RIMKLB: variants seen among roughly 807,000 people sequenced by gnomAD.
The protein encoded by RIMKLB is beta-citrylglutamate synthase B.
Under a neutral mutation model 32.0 loss-of-function variants are expected in RIMKLB, and 7 were observed. The observed-to-expected ratio is 0.22, with a 90% CI of 0.12 to 0.41. The LOEUF is 0.41. Ranked by LOEUF, RIMKLB falls within the 10% of genes least tolerant of loss-of-function variation. The probability of loss-of-function intolerance (pLI) is 1.00; values close to 1 mark genes in which losing one functional copy is unlikely to be tolerated. For synonymous variants in RIMKLB, 172 were observed against 185.1 expected (o/e 0.93, Z 0.57); for missense variants, 289 against 498.7 (o/e 0.58, Z 4.00).
At chr12:8,735,654 CT>C (rs1946930806) in intron 2 of RIMKLB, among the ~76,000 whole-genome samples, 1 of 151,376 alleles carries the variant, frequency 6.6e-6, no homozygotes, top group Admixed American at 6.6e-5. Context: ...ATTCACTGAA[CT>C]TTTGCCTGTT....
upstream of RIMKLB, among the ~76,000 whole-genome samples, chr12:8,695,568 T>TTTG (rs1942862683): frequency 1.1e-5 from 1 of 91,022 alleles, no homozygotes; most frequent in African/African-American, 3.9e-5. Context: ...TATCATTGGC[T>TTTG]TTTTTTAAAT....
chr12:8,752,075 T>G, intron 4 of RIMKLB, 32 bp downstream of exon 4: 3 of 1,344,592 alleles, frequency 2.2e-6, no homozygotes, highest in Non-Finnish European at 3.2e-6. Flanking sequence ...GGTATATAGT[T>G]TTGAAACTAT....
chr12:8,733,305 C>CAAA (rs199919674), intron 2 of RIMKLB, among the ~76,000 whole-genome samples: 3 of 113,320 alleles, frequency 2.6e-5, no homozygotes, highest in East Asian at 2.6e-4. Context: ...CTTGTTAAAG[C>CAAA]AAAAAAAAAA....
At position 8,701,513 on chromosome 12, in the gene RIMKLB, G is replaced by A. The variant is rs1329768929; in HGVS notation, c.-57+3216G>A. On this transcript the variant is annotated intron_variant, in intron 1 of 5. Transcript: ENST00000535829. ...TACTCCCCTAGAGGCTGGTCTGCAT[G>A]GAACCCATCTGTTTATATCTTTTTT... 2.0e-5 allele frequency among the ~76,000 whole-genome samples: 3 copies of A among 152,044 alleles called. No homozygotes were observed. The East Asian group carries it at 5.8e-4, about 29-fold the overall frequency.
At chr12:8,735,689 G>C (rs1946932454) in intron 2 of RIMKLB, among the ~76,000 whole-genome samples, 1 of 151,760 alleles carries the variant, frequency 6.6e-6, no homozygotes, top group South Asian at 2.1e-4. Context: ...ATATTTATGG[G>C]AATGGTTATT....
chr12:8,729,671 TG>T (rs1946363199), intron 2 of RIMKLB, among the ~76,000 whole-genome samples: 1 of 152,162 alleles, frequency 6.6e-6, no homozygotes, highest in South Asian at 2.1e-4. Context: ...ACCAGGGATC[TG>T]CCCTCTTTTG....
chr12:8,691,075 G>A (rs1374245967), intron 1 of RIMKLB, among the ~76,000 whole-genome samples: 1 of 152,120 alleles, frequency 6.6e-6, no homozygotes, highest in Non-Finnish European at 1.5e-5. Context: ...TCATGCCTAA[G>A]TCTACCTTTA....
At chr12:8,760,774 C>T (rs1035132973) in intron 5 of RIMKLB, among the ~76,000 whole-genome samples, 1 of 152,116 alleles carries the variant, frequency 6.6e-6, no homozygotes, top group Non-Finnish European at 1.5e-5. Context: ...TATCCTTCGC[C>T]CACTTGTTGA....
chr12:8,760,772 G>A (rs536451172), intron 5 of RIMKLB, among the ~76,000 whole-genome samples: 13 of 152,192 alleles, frequency 8.5e-5, no homozygotes, highest in African/African-American at 1.7e-4. Context: ...CATATCCTTC[G>A]CCCACTTGTT....
At chr12:8,671,179 A>G in the RIMKLB span, among the ~76,000 whole-genome samples, 14 of 152,108 alleles carry the variant, frequency 9.2e-5, no homozygotes, top group Non-Finnish European at 1.9e-4. Flanking sequence ...TGGGGCTTAT[A>G]GGCTCCTTGC....
At position 8,703,745 on chromosome 12, in the gene RIMKLB, A is replaced by T. The variant is rs138983730; in HGVS notation, c.-57+5448A>T. Among the ~76,000 whole-genome samples the T allele has an allele frequency of 3.2e-3, 492 of 152,318 alleles. 1 individual carries two copies. The highest frequency in any genetic ancestry group is 5.5e-3 in the Non-Finnish European group (375 of 68,042). On this transcript the variant is annotated intron_variant, in intron 1 of 5. Transcript: ENST00000535829. ...CCTACCACTTTCTAATTGTGACTTT[A>T]AACAAGTTATCTAACCTTTCTGCTA...
At chr12:8,753,204 C>T (rs1362615711) in intron 4 of RIMKLB, among the ~76,000 whole-genome samples, 1 of 152,182 alleles carries the variant, frequency 6.6e-6, no homozygotes, top group Non-Finnish European at 1.5e-5. Context: ...TCTCAGGCCT[C>T]CTGCAGTGAA....
At position 8,773,710 on chromosome 12, in the gene RIMKLB, C is replaced by G. The variant is rs1388534303; in HGVS notation, c.1087C>G (p.Leu363Val). ...CCCTGAAAGCACGGAGCGAGAGCTG[C>G]TCACCAAGCTCCCAGGGGGCCTGTT... The part of the protein sequence containing the change: ...SDPESTEREL[L>V]TKLPGGLFNM... The change falls in exon 6 of 6, where the codon CTC becomes GTC. Residue 363 changes from leucine (L) to valine (V), a missense_variant. Transcript: ENST00000535829. 1 of 1,614,154 alleles carries G rather than the reference C, an allele frequency of 6.2e-7. No individual in the cohort carries two copies. The highest frequency in any genetic ancestry group is 8.5e-7 in the Non-Finnish European group (1 of 1,180,066).
chr12:8,720,790 T>C lies in RIMKLB; in HGVS notation c.175+6749T>C, dbSNP rs1325722623. ...CCTGACCTTGAATGATCCGCCCCCC[T>C]CGGCTTCCCAAAGTGCTGGGATTAC... On this transcript the variant is annotated intron_variant, in intron 2 of 5. Transcript: ENST00000535829. Among the ~76,000 whole-genome samples the C allele has an allele frequency of 4.6e-5, 7 of 152,270 alleles. No homozygotes were observed. The East Asian group carries it at 9.6e-4, about 21-fold the overall frequency.
At chr12:8,705,158 T>TC (rs1943749643) in intron 1 of RIMKLB, among the ~76,000 whole-genome samples, 1 of 152,056 alleles carries the variant, frequency 6.6e-6, no homozygotes. Context: ...TTTATAGTAG[T>TC]CCAAGTGTTG....
At chr12:8,696,542 T>G (rs1942895309), upstream of RIMKLB, among the ~76,000 whole-genome samples, 1 of 152,202 alleles carries the variant, frequency 6.6e-6, no homozygotes, top group South Asian at 2.1e-4. Flanking sequence ...ATTTACTCCT[T>G]ATGACAACTC....
At chr12:8,728,517 A>G (rs965386986) in intron 2 of RIMKLB, among the ~76,000 whole-genome samples, 1 of 151,836 alleles carries the variant, frequency 6.6e-6, no homozygotes, top group African/African-American at 2.4e-5. Flanking sequence ...GGAGTTTTGT[A>G]TTTTTCTCCC....
intron 5 of RIMKLB, 48 bp from the exon 6 acceptor site, chr12:8,773,273 T>G: frequency 7.2e-7 from 1 of 1,379,444 alleles, no homozygotes; most frequent in Non-Finnish European, 1.0e-6. Flanking sequence ...TAATTTTATT[T>G]CAAAAGTTTA....
chr12:8,748,829 C>CG (rs1314318132), intron 2 of RIMKLB, among the ~76,000 whole-genome samples: 1 of 151,880 alleles, frequency 6.6e-6, no homozygotes, highest in Non-Finnish European at 1.5e-5. Context: ...GTCCCAGCCA[C>CG]TCTGGAGGCT....
Sources: gnomAD v4.1 joint callset for allele counts (sites outside exome capture counted in the v4.1 genomes callset) on GRCh38, gnomAD v4.1.1 for gene constraint, MANE v1.5 for transcripts, NCBI Gene and HGNC (gene_info 2026-07-23, HGNC 2026-07-21) for gene names.